NRXN1: variants seen among roughly 807,000 people sequenced by gnomAD.
NRXN1 encodes neurexin-1.
A neutral mutation model predicts 150.9 loss-of-function variants in NRXN1; 39 were observed. The observed-to-expected ratio is 0.26, with a 90% CI of 0.20 to 0.34. NRXN1 has a LOEUF of 0.34. Ranked by LOEUF, NRXN1 falls within the 10% of genes least tolerant of loss-of-function variation. NRXN1 has a pLI of 1.00. For synonymous variants in NRXN1, 924 were observed against 757.0 expected, an observed-to-expected ratio of 1.22 and a Z score of -3.62; for missense variants, 1,815 against 1,949.9, an observed-to-expected ratio of 0.93 and a Z score of 1.30.
intron 5 of NRXN1, among the ~76,000 whole-genome samples, chr2:50,909,152 C>A (rs1156393710): frequency 6.6e-6 from 1 of 151,918 alleles, no homozygotes; most frequent in Non-Finnish European, 1.5e-5. Flanking sequence ...CAATAACTAT[C>A]TTAAGAATCA....
intron 2 of NRXN1, among the ~76,000 whole-genome samples, chr2:50,926,943 A>G (rs1253806831): frequency 6.6e-6 from 1 of 151,932 alleles, no homozygotes; most frequent in Non-Finnish European, 1.5e-5. Flanking sequence ...TTCAAGTTCT[A>G]TTTGAGACTC....
At chr2:50,374,325 A>G (rs1044594323) in intron 17 of NRXN1, among the ~76,000 whole-genome samples, 3 of 150,884 alleles carry the variant, frequency 2.0e-5, no homozygotes, top group African/African-American at 7.3e-5. Context: ...AAATAAATAA[A>G]TAAATAAATA....
At chr2:50,233,700 C>G (rs1212399660) in intron 18 of NRXN1, among the ~76,000 whole-genome samples, 1 of 151,982 alleles carries the variant, frequency 6.6e-6, no homozygotes, top group African/African-American at 2.4e-5. Flanking sequence ...CTAACTTTTA[C>G]AGATAAAAAT....
chr2:50,467,375 T>A (rs773616508), intron 16 of NRXN1, among the ~76,000 whole-genome samples: 32 of 151,562 alleles, frequency 2.1e-4, no homozygotes, highest in Non-Finnish European at 4.1e-4. Flanking sequence ...ACATATAGGT[T>A]TTATAAAAAT....
chr2:51,027,444 C>A (rs572301871), intron 2 of NRXN1, 58 bp downstream of exon 2: 19 of 1,465,480 alleles, frequency 1.3e-5, no homozygotes, highest in Non-Finnish European at 1.6e-5. Flanking sequence ...AGCCCGGTCC[C>A]CTCCTCCCCG....
intron 21 of NRXN1, among the ~76,000 whole-genome samples, chr2:50,031,802 G>T (rs969402758): frequency 6.6e-6 from 1 of 152,050 alleles, no homozygotes; most frequent in Non-Finnish European, 1.5e-5. Context: ...AACCCTTTTA[G>T]TAAGAAGTAT....
intron 21 of NRXN1, among the ~76,000 whole-genome samples, chr2:50,047,341 G>A (rs1691974157): frequency 6.6e-6 from 1 of 151,714 alleles, no homozygotes; most frequent in African/African-American, 2.4e-5. Context: ...ATATGTCTGA[G>A]GAACACACAT....
chr2:50,017,361 G>T (rs1686820253), intron 21 of NRXN1, among the ~76,000 whole-genome samples: 1 of 152,014 alleles, frequency 6.6e-6, no homozygotes, highest in Non-Finnish European at 1.5e-5. Flanking sequence ...ACCATAAACT[G>T]CCCCCTTGTC....
intron 5 of NRXN1, among the ~76,000 whole-genome samples, chr2:50,736,235 A>C (rs914172763): frequency 3.9e-5 from 6 of 152,070 alleles, no homozygotes; most frequent in African/African-American, 1.4e-4. Flanking sequence ...CCTTTACATT[A>C]AACATCTTGT....
At chr2:50,142,135 C>G (rs1005114724) in intron 18 of NRXN1, among the ~76,000 whole-genome samples, 4 of 151,894 alleles carry the variant, frequency 2.6e-5, no homozygotes, top group African/African-American at 9.7e-5. Context: ...AAAAAAGAAT[C>G]AAAACCTGTC....
At chr2:50,298,223 T>C (rs977263728) in intron 17 of NRXN1, among the ~76,000 whole-genome samples, 3 of 152,126 alleles carry the variant, frequency 2.0e-5, no homozygotes, top group Non-Finnish European at 1.5e-5. Flanking sequence ...TCTTTACCAC[T>C]GAAAATTATT....
chr2:50,276,240 C>A (rs1282238999), intron 17 of NRXN1, among the ~76,000 whole-genome samples: 3 of 151,852 alleles, frequency 2.0e-5, no homozygotes, highest in African/African-American at 7.3e-5. Flanking sequence ...TTATCAAAAC[C>A]ACACAGCTGT....
At chr2:50,487,136 A>C (rs902028636) in intron 15 of NRXN1, among the ~76,000 whole-genome samples, 1 of 152,160 alleles carries the variant, frequency 6.6e-6, no homozygotes, top group African/African-American at 2.4e-5. Flanking sequence ...AAAATTAAAG[A>C]GAAAATATAT....
chr2:49,927,866 T>A (rs116369623), intron 22 of NRXN1, among the ~76,000 whole-genome samples: 205 of 152,230 alleles, frequency 1.3e-3, no homozygotes, highest in African/African-American at 4.7e-3. Flanking sequence ...CACTGTAATC[T>A]TATATATATA....
intron 17 of NRXN1, among the ~76,000 whole-genome samples, chr2:50,280,435 C>G (rs756695014): frequency 1.3e-5 from 2 of 152,052 alleles, no homozygotes; most frequent in Non-Finnish European, 1.5e-5. Flanking sequence ...ATATCAGAAG[C>G]ACACCCCCAT....
chr2:50,015,516 C>CAAAA (rs34466037), intron 21 of NRXN1, among the ~76,000 whole-genome samples: 1 of 31,324 alleles, frequency 3.2e-5, no homozygotes, highest in Non-Finnish European at 6.0e-5. Flanking sequence ...GGATTTCTGC[C>CAAAA]AAAAAAAAAA....
In NRXN1 at chr2:50,875,659, T is replaced by C. The variant is rs187388625; in HGVS notation, c.832+46210A>G. Among the ~76,000 whole-genome samples, 283 of 151,876 alleles carry C rather than the reference T, an allele frequency of 1.9e-3. 1 individual carries two copies. The highest frequency in any genetic ancestry group is 6.2e-3 in the African/African-American group (259 of 41,478). On this transcript the variant is annotated intron_variant, in intron 5 of 22. Transcript: ENST00000401669. Reference sequence around the variant, plus strand: ...TTTATTTCTTTTCCCAATTACATTCTCCCCATGGGATTTTCTTAGAGGTAA... The same window carrying C: ...TTTATTTCTTTTCCCAATTACATTCCCCCCATGGGATTTTCTTAGAGGTAA...
At chr2:50,719,273 T>C (rs926758281) in intron 5 of NRXN1, among the ~76,000 whole-genome samples, 1 of 151,614 alleles carries the variant, frequency 6.6e-6, no homozygotes, top group Non-Finnish European at 1.5e-5. Flanking sequence ...GGTTTGAATG[T>C]GGGGGAAAAT....
intron 5 of NRXN1, among the ~76,000 whole-genome samples, chr2:50,624,624 C>G (rs924196807): frequency 6.6e-6 from 1 of 151,750 alleles, no homozygotes; most frequent in African/African-American, 2.4e-5. Context: ...CATTTTTTAT[C>G]TCTGGATGGA....
Sources: allele counts gnomAD v4.1 joint callset (sites outside exome capture counted in the v4.1 genomes callset), GRCh38; gene constraint gnomAD v4.1.1; transcripts MANE v1.5; gene names NCBI Gene and HGNC (gene_info 2026-07-23, HGNC 2026-07-21).